The following FAM25G variants were observed in gnomAD, a reference collection of about 807,000 sequenced individuals.
The protein encoded by FAM25G is family with sequence similarity 25 member G.
Under a neutral mutation model 6.4 loss-of-function variants are expected in FAM25G, and 3 were observed. The observed-to-expected ratio is 0.47, with a 90% CI of 0.21 to 1.21. The LOEUF (loss-of-function observed/expected upper bound fraction) is 1.21. Ranked by LOEUF, FAM25G falls within the 50% of genes most tolerant of loss-of-function variation. The pLI, the probability that FAM25G is intolerant of heterozygous loss-of-function variation, is 0.22. For missense variants in FAM25G, 34 were observed against 76.0 expected (o/e 0.45, Z 2.06); for synonymous variants, 15 against 31.3 (o/e 0.48, Z 1.74).
At position 47,487,269 on chromosome 10, in the gene FAM25G, G is replaced by A; in HGVS notation, c.*6C>T. The A allele has an allele frequency of 1.6e-6, 2 of 1,282,236 alleles. No homozygotes were observed. The highest frequency in any genetic ancestry group is 2.1e-6 in the Non-Finnish European group (2 of 942,892). The allele number at this position is 1,282,236 out of a possible 1,614,324, so 79.4% of individuals were successfully genotyped here. On this transcript the variant is annotated 3_prime_UTR_variant, in exon 3 of 3. Coordinates refer to ENST00000452267, the MANE Select transcript of FAM25G (RefSeq NM_001137549.2). ...GACTGGGGAAGGGCCGTGGTAGCAG[G>A]TGCACTCACTGTCCAAGTTTGTCCA...
At chr10:47,490,123 G>T (rs1477104796) in intron 1 of FAM25G, among the ~76,000 whole-genome samples, 1 of 151,016 alleles carries the variant, frequency 6.6e-6, no homozygotes, top group African/African-American at 2.5e-5. Context: ...CCTGCCTCAG[G>T]TTGGTTTCCA....
chr10:47,490,247 A>ATT (rs1840126584), intron 1 of FAM25G: 1 of 160,744 alleles, frequency 6.2e-6, no homozygotes, highest in African/African-American at 2.4e-5. Flanking sequence ...GAACTGAAGG[A>ATT]TTTCAGAGTC....
At chr10:47,489,972 C>T (rs1308810459) in intron 1 of FAM25G, among the ~76,000 whole-genome samples, 5 of 150,522 alleles carry the variant, frequency 3.3e-5, no homozygotes, top group Non-Finnish European at 7.4e-5. Flanking sequence ...GCTCAATGAG[C>T]CCCATGAGGG....
At chr10:47,490,342 C>A (rs1373011550) in intron 1 of FAM25G, 3 of 150,744 alleles carry the variant, frequency 2.0e-5, no homozygotes, top group African/African-American at 7.5e-5. Context: ...GATGATGAGA[C>A]CCAACACCAG....
At chr10:47,488,989 ACAGGCGTGAGCCACCG>A (rs1840097970) in intron 2 of FAM25G, among the ~76,000 whole-genome samples, 1 of 148,234 alleles carries the variant, frequency 6.7e-6, no homozygotes, top group Admixed American at 6.7e-5. Flanking sequence ...TGCTGGGATT[ACAGGCGTGAGCCACCG>A]CCCCCAGCAA....
At chr10:47,488,727 T>G (rs1840090479) in intron 2 of FAM25G, among the ~76,000 whole-genome samples, 1 of 120,888 alleles carries the variant, frequency 8.3e-6, no homozygotes, top group Non-Finnish European at 1.7e-5. Flanking sequence ...TTTTTTTTTT[T>G]TTTTTTTTTT....
Position 47,487,422 on chromosome 10 carries a change from G to A in FAM25G, c.137-14C>T. 14 of 1,054,606 alleles carry A rather than the reference G, an allele frequency of 1.3e-5. No homozygotes were observed. Among genetic ancestry groups the A allele is most frequent in the Non-Finnish European group, 1.8e-5 (14 of 759,174 alleles). The allele number at this position is 1,054,606 out of a possible 1,614,324, so 65.3% of individuals were successfully genotyped here. On this transcript the variant is annotated splice_polypyrimidine_tract_variant and intron_variant, in intron 2 of 2. Coordinates refer to ENST00000452267, the MANE Select transcript of FAM25G (RefSeq NM_001137549.2). ...CTTCAGCAATGGCTGTTGGAAAGAGGAAGAATGTCCTAGTGATCCACCTGC... is the reference window on the plus strand; with the variant it reads ...CTTCAGCAATGGCTGTTGGAAAGAGAAAGAATGTCCTAGTGATCCACCTGC...
Sources: gnomAD v4.1 joint callset for allele counts (sites outside exome capture counted in the v4.1 genomes callset) on GRCh38, gnomAD v4.1.1 for gene constraint, MANE v1.5 for transcripts, NCBI Gene and HGNC (gene_info 2026-07-23, HGNC 2026-07-21) for gene names.